The following TMIGD3 variants were observed in gnomAD, a reference collection of about 807,000 sequenced individuals.
TMIGD3 encodes the protein transmembrane and immunoglobulin domain containing 3.
Under a neutral mutation model 28.1 loss-of-function variants are expected in TMIGD3, and 21 were observed. That is an observed-to-expected ratio of 0.75 (90% confidence interval 0.53 to 1.08). The LOEUF is 1.08. Among genes scored for constraint, TMIGD3 ranks in the 50% least tolerant of loss-of-function variants. The pLI, the probability that TMIGD3 is intolerant of heterozygous loss-of-function variation, is 0.00. For missense variants in TMIGD3, 416 were observed against 435.6 expected, an observed-to-expected ratio of 0.96 and a Z score of 0.40; for synonymous variants, 151 against 162.1, an observed-to-expected ratio of 0.93 and a Z score of 0.52.
At chr1:111,492,537 C>A (rs1353244521) in intron 1 of TMIGD3, among the ~76,000 whole-genome samples, 1 of 152,058 alleles carries the variant, frequency 6.6e-6, no homozygotes, top group Non-Finnish European at 1.5e-5. Context: ...TGTCTCTAGC[C>A]AGGCACGGTG....
At chr1:111,551,855 C>T (rs1165681891) in intron 1 of TMIGD3, among the ~76,000 whole-genome samples, 1 of 152,038 alleles carries the variant, frequency 6.6e-6, no homozygotes, top group Admixed American at 6.6e-5. Flanking sequence ...ACAGTTCGGC[C>T]TTGGCCTTCA....
At chr1:111,523,765 C>T (rs539015402) in intron 1 of TMIGD3, among the ~76,000 whole-genome samples, 4 of 151,976 alleles carry the variant, frequency 2.6e-5, no homozygotes, top group Admixed American at 2.0e-4. Flanking sequence ...ATAATATTTA[C>T]TGATTATCCT....
chr1:111,487,408 C>A (rs1337437020), intron 3 of TMIGD3, among the ~76,000 whole-genome samples: 1 of 152,118 alleles, frequency 6.6e-6, no homozygotes, highest in Non-Finnish European at 1.5e-5. Context: ...ACCCCTTAAG[C>A]CCTTCTGGTT....
intron 1 of TMIGD3, among the ~76,000 whole-genome samples, chr1:111,532,364 T>C (rs1212237854): frequency 1.3e-5 from 2 of 152,202 alleles, no homozygotes; most frequent in African/African-American, 4.8e-5. Context: ...AAACATGCCG[T>C]GCCCTAAAAT....
Position 111,503,099 on chromosome 1 carries a change from TAAAAAGGCAGCTGTAG to T in TMIGD3, c.240_255del (p.Phe80LeufsTer2), listed in dbSNP as rs768305499. On this transcript the variant is annotated frameshift_variant, in exon 1 of 6. Transcript: ENST00000369716. LOFTEE classifies it high-confidence loss of function. ...GTAAAGATAAGCAGTAGGCAAGTCA[TAAAAAGGCAGCTGTAG>T]AAGTGGATTGTGATGCCCAGGCTGA... The T allele has an allele frequency of 6.2e-7, 1 of 1,614,056 alleles. No individual in the cohort carries two copies. The highest frequency in any genetic ancestry group is 1.7e-5 in the Admixed American group (1 of 60,022).
intron 1 of TMIGD3, among the ~76,000 whole-genome samples, chr1:111,524,254 C>T (rs571031766): frequency 7.2e-5 from 11 of 152,216 alleles, no homozygotes; most frequent in African/African-American, 2.6e-4. Flanking sequence ...TGGTCTTGAT[C>T]TCCTGACCTT....
chr1:111,535,022 C>G (rs1656592228), intron 1 of TMIGD3, among the ~76,000 whole-genome samples: 1 of 152,102 alleles, frequency 6.6e-6, no homozygotes, highest in African/African-American at 2.4e-5. Context: ...GCTCTAAGTA[C>G]CAGATTTAGG....
In TMIGD3 at chr1:111,554,085, C is replaced by G. The variant is rs921269292; in HGVS notation, c.107+9761G>C. ...AGAATTCCCAGATTTAGATCCCCAC[C>G]ACTTATTAGCTATGTGGCCTTGGGC... On this transcript the variant is annotated intron_variant, in intron 1 of 5. Transcript: ENST00000369717. Among the ~76,000 whole-genome samples, 4 of 152,224 alleles carry G rather than the reference C, an allele frequency of 2.6e-5. No individual in the cohort carries two copies. In the East Asian group the frequency reaches 7.7e-4, roughly 29 times the overall value.
chr1:111,495,238 C>T (rs6660209), intron 1 of TMIGD3, among the ~76,000 whole-genome samples: 15,621 of 152,126 alleles, frequency 0.1, 1,110 homozygotes, highest in East Asian at 0.24. Flanking sequence ...GTCTAATATC[C>T]AGCATCTATA....
chr1:111,536,726 T>C (rs1057237414), intron 1 of TMIGD3, among the ~76,000 whole-genome samples: 2 of 152,138 alleles, frequency 1.3e-5, no homozygotes, highest in African/African-American at 4.8e-5. Context: ...TCCTGTTAAT[T>C]ACCCATTAAA....
chr1:111,488,549 G>T, intron 3 of TMIGD3, 128 bp downstream of exon 3: 1 of 777,482 alleles, frequency 1.3e-6, no homozygotes, highest in East Asian at 2.6e-5. Flanking sequence ...GAAGAGAGAG[G>T]CCAGGCAGGC....
chr1:111,493,411 A>C (rs1013361139), intron 1 of TMIGD3, among the ~76,000 whole-genome samples: 5 of 152,100 alleles, frequency 3.3e-5, no homozygotes, highest in Non-Finnish European at 7.4e-5. Flanking sequence ...TGCGTTCATC[A>C]TGTGATCTCT....
chr1:111,500,451 T>A (rs1251228786), intron 1 of TMIGD3: 1 of 1,614,186 alleles, frequency 6.2e-7, no homozygotes, highest in South Asian at 1.1e-5. Context: ...CTGAGGTCAG[T>A]TTCATGTTCC....
intron 1 of TMIGD3, among the ~76,000 whole-genome samples, chr1:111,496,365 CA>C (rs1654888118): frequency 6.6e-6 from 1 of 152,156 alleles, no homozygotes; most frequent in South Asian, 2.1e-4. Flanking sequence ...AGCCTCCAAT[CA>C]AGGCACACCT....
At chr1:111,546,695 C>T (rs889132131) in intron 1 of TMIGD3, among the ~76,000 whole-genome samples, 1 of 152,184 alleles carries the variant, frequency 6.6e-6, no homozygotes, top group African/African-American at 2.4e-5. Context: ...GTTGCTTCCA[C>T]CTTCCAGCCA....
At chr1:111,552,977 T>C (rs564325274) in intron 1 of TMIGD3, among the ~76,000 whole-genome samples, 28 of 152,246 alleles carry the variant, frequency 1.8e-4, no homozygotes, top group Non-Finnish European at 3.1e-4. Flanking sequence ...TCTAGGACTA[T>C]TACAATGAGC....
intron 1 of TMIGD3, among the ~76,000 whole-genome samples, chr1:111,529,771 T>C (rs1338808145): frequency 6.6e-6 from 1 of 151,830 alleles, no homozygotes; most frequent in Non-Finnish European, 1.5e-5. Context: ...TCTACCTCTT[T>C]CTACACAGAC....
At chr1:111,511,224 A>C (rs1341856572) in intron 1 of TMIGD3, among the ~76,000 whole-genome samples, 1 of 152,194 alleles carries the variant, frequency 6.6e-6, no homozygotes, top group Non-Finnish European at 1.5e-5. Flanking sequence ...TTCTCCCGCT[A>C]GCTGGTAAAC....
At chr1:111,489,799 A>G in intron 2 of TMIGD3, 1 of 976,700 alleles carries the variant, frequency 1.0e-6, no homozygotes, top group Non-Finnish European at 1.2e-6. Flanking sequence ...GGGGATAAGA[A>G]CTTCATGTTC....
Sources: allele counts gnomAD v4.1 joint callset (sites outside exome capture counted in the v4.1 genomes callset), GRCh38; gene constraint gnomAD v4.1.1; transcripts MANE v1.5; gene names NCBI Gene and HGNC (gene_info 2026-07-23, HGNC 2026-07-21).